Variants in ABCC1 observed in about 807,000 individuals in gnomAD.
ABCC1 encodes the protein multidrug resistance-associated protein 1.
ABCC1 carries 83 observed loss-of-function variants against 172.9 expected under a neutral mutation model. The ratio of observed to expected loss-of-function variants is 0.48; its 90% CI spans 0.40 to 0.58. The LOEUF (loss-of-function observed/expected upper bound fraction) is 0.58, where lower values mean the gene tolerates loss of function less well. ABCC1 is among the 20% of genes least tolerant of loss of function. The pLI is 0.00. For synonymous variants in ABCC1, 937 were observed against 825.2 expected, an observed-to-expected ratio of 1.14 and a Z score of -2.32; for missense variants, 1,817 against 2,002.7, an observed-to-expected ratio of 0.91 and a Z score of 1.77.
intron 27 of ABCC1, among the ~76,000 whole-genome samples, chr16:16,132,221 GCT>G (rs1387452957): frequency 6.6e-6 from 1 of 152,118 alleles, no homozygotes; most frequent in Non-Finnish European, 1.5e-5. Flanking sequence ...AGAGGGTCTT[GCT>G]CTGTTACCCA....
At chr16:16,132,506 G>GTT (rs1567441293) in intron 27 of ABCC1, among the ~76,000 whole-genome samples, 11 of 100,972 alleles carry the variant, frequency 1.1e-4, no homozygotes, top group African/African-American at 2.1e-4. Context: ...TTTTTTGGTT[G>GTT]GTTGTTTTTT....
chr16:16,116,222 G>A (rs1230864547), intron 23 of ABCC1, among the ~76,000 whole-genome samples: 2 of 151,956 alleles, frequency 1.3e-5, no homozygotes, highest in Non-Finnish European at 2.9e-5. Context: ...TCTTAAGTTG[G>A]CCTCATGGTC....
At chr16:16,030,936 C>T (rs944478094) in intron 5 of ABCC1, among the ~76,000 whole-genome samples, 3 of 152,014 alleles carry the variant, frequency 2.0e-5, no homozygotes, top group South Asian at 2.1e-4. Context: ...CTGCAACCTC[C>T]GCCTCATGGA....
At chr16:16,095,686 T>C (rs1288269240) in intron 19 of ABCC1, among the ~76,000 whole-genome samples, 1 of 152,142 alleles carries the variant, frequency 6.6e-6, no homozygotes, top group Non-Finnish European at 1.5e-5. Flanking sequence ...AAATTTTATT[T>C]ATATATTTTT....
chr16:16,065,190 T>C, intron 12 of ABCC1, among the ~76,000 whole-genome samples: 1 of 152,180 alleles, frequency 6.6e-6, no homozygotes, highest in Admixed American at 6.5e-5. Flanking sequence ...ACAAATCAGC[T>C]GGGCCTTGGG....
Position 16,058,770 on chromosome 16 carries a change from C to T in ABCC1, c.1677+2475C>T, listed in dbSNP as rs568920123. 5.9e-5 allele frequency among the ~76,000 whole-genome samples: 9 copies of T among 152,326 alleles called. No homozygotes were observed. In the South Asian group the frequency reaches 1.9e-3, roughly 32 times the overall value. On this transcript the variant is annotated intron_variant, in intron 12 of 30. Transcript: ENST00000399410. ...GGTTCAAGCGATTCTTCCACCTCAG[C>T]CTCTGAGTAGCTGGGATTACAGGCA...
intron 12 of ABCC1, among the ~76,000 whole-genome samples, chr16:16,065,194 C>T (rs2050066273): frequency 6.6e-6 from 1 of 152,120 alleles, no homozygotes; most frequent in Admixed American, 6.6e-5. Context: ...ATCAGCTGGG[C>T]CTTGGGATCT....
Position 15,977,783 on chromosome 16 carries a change from G to A in ABCC1, c.48+27984G>A, listed in dbSNP as rs74011345. 2.8e-4 allele frequency among the ~76,000 whole-genome samples: 43 copies of A among 152,264 alleles called. 1 individual carries two copies. The highest frequency in any genetic ancestry group is 9.9e-4 in the African/African-American group (41 of 41,528). On this transcript the variant is annotated intron_variant, in intron 1 of 30. Transcript: ENST00000399410. ...AGATTTTACTTACTTCAAGAAGCCT[G>A]CTTTGACCTCTCAAGTGGAAATAAC...
At chr16:16,035,635 T>G (rs1319469763) in intron 6 of ABCC1, among the ~76,000 whole-genome samples, 1 of 151,408 alleles carries the variant, frequency 6.6e-6, no homozygotes, top group African/African-American at 2.4e-5. Flanking sequence ...GGACTACAGG[T>G]GCGAGCCATC....
intron 3 of ABCC1, among the ~76,000 whole-genome samples, chr16:16,013,334 G>GTA (rs2047867688): frequency 1.3e-5 from 2 of 150,256 alleles, no homozygotes; most frequent in Non-Finnish European, 3.0e-5. Context: ...GCAGTGGCAT[G>GTA]ATCTCAGCTC....
intron 19 of ABCC1, among the ~76,000 whole-genome samples, chr16:16,097,589 A>G (rs1315808848): frequency 2.0e-5 from 3 of 152,214 alleles, no homozygotes; most frequent in Non-Finnish European, 4.4e-5. Flanking sequence ...CACTGCAGAT[A>G]AATACCTCAG....
At chr16:16,061,754 C>CT (rs796444228) in intron 12 of ABCC1, among the ~76,000 whole-genome samples, 41 of 144,726 alleles carry the variant, frequency 2.8e-4, no homozygotes, top group African/African-American at 7.7e-4. Context: ...TACAAAATGG[C>CT]TTTTTTTTTC....
intron 22 of ABCC1, among the ~76,000 whole-genome samples, chr16:16,112,266 G>A (rs2044650135): frequency 6.6e-6 from 1 of 151,954 alleles, no homozygotes; most frequent in African/African-American, 2.4e-5. Flanking sequence ...GGCAGCTGAG[G>A]TCACAAGATT....
At chr16:16,022,948 G>C (rs1452959313) in intron 5 of ABCC1, among the ~76,000 whole-genome samples, 1 of 152,138 alleles carries the variant, frequency 6.6e-6, no homozygotes, top group East Asian at 1.9e-4. Flanking sequence ...GTCTCACTCT[G>C]TCTCGCAGAC....
chr16:16,052,973 G>A (rs560657248), intron 11 of ABCC1, among the ~76,000 whole-genome samples, 157 bp downstream of exon 11: 1 of 152,156 alleles, frequency 6.6e-6, no homozygotes, highest in Non-Finnish European at 1.5e-5. Context: ...CTGATGCCCC[G>A]GCTGCATATC....
At chr16:15,999,809 C>CTCTCTCTCCTCTCTCT (rs374395529) in intron 1 of ABCC1, among the ~76,000 whole-genome samples, 1 of 8,360 alleles carries the variant, frequency 1.2e-4, no homozygotes, top group African/African-American at 2.7e-4. Context: ...CTCTCTCTCT[C>CTCTCTCTCCTCTCTCT]CTCTCTCTCT....
At chr16:16,129,119 G>A (rs2045568971) in intron 26 of ABCC1, among the ~76,000 whole-genome samples, 2 of 152,162 alleles carry the variant, frequency 1.3e-5, no homozygotes, top group East Asian at 1.9e-4. Context: ...AAACTTTCCC[G>A]TGTGGATTCC....
chr16:16,042,073 C>T (rs1017739972), intron 7 of ABCC1, among the ~76,000 whole-genome samples: 33 of 151,808 alleles, frequency 2.2e-4, no homozygotes, highest in African/African-American at 7.3e-4. Flanking sequence ...GTTTTATGTT[C>T]TCTTTTGTGT....
intron 12 of ABCC1, among the ~76,000 whole-genome samples, chr16:16,062,215 A>G (rs1302454882): frequency 6.6e-6 from 1 of 152,164 alleles, no homozygotes; most frequent in Non-Finnish European, 1.5e-5. Context: ...TGCACATTGG[A>G]TTCGTTGGCA....
Sources: allele counts gnomAD v4.1 joint callset (sites outside exome capture counted in the v4.1 genomes callset), GRCh38; gene constraint gnomAD v4.1.1; transcripts MANE v1.5; gene names NCBI Gene and HGNC (gene_info 2026-07-23, HGNC 2026-07-21).